Variants in NSD1 observed in about 807,000 individuals in gnomAD.
NSD1 encodes nuclear receptor binding SET domain protein 1.
NSD1 carries 26 observed loss-of-function variants against 242.7 expected under a neutral mutation model. The observed-to-expected ratio is 0.11, with a 90% CI of 0.08 to 0.15. NSD1 has a LOEUF of 0.15. Among genes scored for constraint, NSD1 ranks in the 10% least tolerant of loss-of-function variants. NSD1 has a pLI of 1.00. For synonymous variants in NSD1, 1,106 were observed against 1,178.1 expected (o/e 0.94, Z 1.25); for missense variants, 2,495 against 3,272.8 (o/e 0.76, Z 5.80).
Position 177,295,415 on chromosome 5 carries a change from C to G in NSD1, c.8047C>G (p.Gln2683Glu). 6.2e-7 allele frequency: 1 copy of G among 1,614,228 alleles called. No homozygotes were observed. Among genetic ancestry groups the G allele is most frequent in the Non-Finnish European group, 8.5e-7 (1 of 1,180,036 alleles). The change falls in exon 23 of 23, where the codon CAG becomes GAG. Residue 2683 changes from glutamine (Q) to glutamate (E), a missense_variant. This residue lies in a region of NSD1 where 475 missense variants were observed against 563.7 expected (regional missense o/e 0.84). Transcript: ENST00000439151. This position sits in a 1 kb window ranked among gnomAD's most constrained non-coding sequence, Gnocchi z 4.3. ...GCAAAATACACTTCCAGCTCTTAAC[C>G]AGGCTCCTTCCAGTCACAAGTGTGC... ...PEQNTLPALN[Q>E]APSSHKCAES...
chr5:177,185,895 A>G (rs1337088958), intron 2 of NSD1, among the ~76,000 whole-genome samples: 2 of 83,576 alleles, frequency 2.4e-5, no homozygotes, highest in African/African-American at 1.1e-4. Flanking sequence ...TAATATATTT[A>G]TATATTTTAT....
At position 177,210,907 on chromosome 5, in the gene NSD1, A is replaced by G. The variant is rs774136571; in HGVS notation, c.2508A>G (p.Leu836=). The change falls in exon 5 of 23, where the codon CTA becomes CTG. Residue 836 remains leucine (L), a synonymous_variant. Coordinates refer to ENST00000439151, the MANE Select transcript of NSD1 (RefSeq NM_022455.5). ...SISKSGKVDG[L]KLLNNMHEKT... is the part of the protein sequence containing the mutation. ...CTAAAAGTGGGAAAGTGGATGGTCT[A>G]AAACTACTGAACAATATGCATGAGA... The G allele has an allele frequency of 1.9e-6, 3 of 1,614,188 alleles. No homozygotes were observed. Among genetic ancestry groups the G allele is most frequent in the Non-Finnish European group, 1.7e-6 (2 of 1,180,042 alleles).
chr5:177,236,957 C>T (rs995781450), intron 6 of NSD1, among the ~76,000 whole-genome samples: 2 of 152,186 alleles, frequency 1.3e-5, no homozygotes, highest in Non-Finnish European at 1.5e-5. Flanking sequence ...CCGTCTCAGC[C>T]TCCTGAGTAG....
intron 17 of NSD1, among the ~76,000 whole-genome samples, chr5:177,275,655 G>A (rs1407823345): frequency 6.6e-6 from 1 of 151,706 alleles, no homozygotes; most frequent in African/African-American, 2.4e-5. Context: ...GGATGGTCTC[G>A]ATCTCCTGAC....
intron 10 of NSD1, among the ~76,000 whole-genome samples, chr5:177,247,190 G>A (rs921661829): frequency 3.9e-5 from 6 of 152,226 alleles, no homozygotes; most frequent in Non-Finnish European, 7.3e-5. Context: ...AACACTTTGG[G>A]AGGCCGAGGC....
intron 2 of NSD1, among the ~76,000 whole-genome samples, chr5:177,140,553 A>T (rs989972586): frequency 6.6e-6 from 1 of 152,112 alleles, no homozygotes; most frequent in Non-Finnish European, 1.5e-5. Context: ...GCCCAGTGGC[A>T]TGTACCTGTA....
chr5:177,265,547 G>T, intron 14 of NSD1: 12 of 909,952 alleles, frequency 1.3e-5, no homozygotes, highest in Non-Finnish European at 2.0e-5. Context: ...CCCTGGGCCC[G>T]TGCAGGGCGG....
At chr5:177,172,427 A>G (rs1248857374) in intron 2 of NSD1, among the ~76,000 whole-genome samples, 3 of 152,192 alleles carry the variant, frequency 2.0e-5, no homozygotes, top group Non-Finnish European at 2.9e-5. Context: ...GTAAAATGAA[A>G]TAAAGACTGA....
intron 2 of NSD1, 176 bp downstream of exon 2, chr5:177,136,206 G>T (rs961856792): frequency 1.7e-6 from 1 of 596,030 alleles, no homozygotes; most frequent in Non-Finnish European, 3.0e-6. Flanking sequence ...TATCTCTGTT[G>T]TATGAATTTG....
rs1201572628 is a variant in NSD1 at position 177,211,162 on chromosome 5, G to A, written c.2763G>A (p.Lys921=). The change falls in exon 5 of 23, where the codon AAG becomes AAA. Residue 921 remains lysine (K), a synonymous_variant. Transcript: ENST00000439151. The part of the protein sequence containing the change: ...LMMLKDMHDS[K]TKEQRLMTAQ... ...TGTTGAAAGATATGCATGATAGTAA[G>A]ACGAAGGAGCAGCGGTTGATGACTG... The A allele has an allele frequency of 6.2e-7, 1 of 1,614,182 alleles. No individual in the cohort carries two copies. Among genetic ancestry groups the A allele is most frequent in the African/African-American group, 1.3e-5 (1 of 75,044 alleles).
At chr5:177,287,665 A>AG (rs1759445576) in intron 20 of NSD1, among the ~76,000 whole-genome samples, 2 of 152,132 alleles carry the variant, frequency 1.3e-5, no homozygotes. Flanking sequence ...AGAAAAAAAA[A>AG]CAGTGTGAAT....
chr5:177,285,563 CAAAAAAA>C (rs772293606), intron 20 of NSD1, among the ~76,000 whole-genome samples: 6,269 of 82,072 alleles, frequency 0.076, 130 homozygotes, highest in South Asian at 0.16. Context: ...GATTCCATCT[CAAAAAAA>C]AAAAAAAAAA....
Position 177,211,020 on chromosome 5 carries a change from A to T in NSD1, c.2621A>T (p.Glu874Val). The T allele has an allele frequency of 6.2e-7, 1 of 1,614,220 alleles. No homozygotes were observed. The highest frequency in any genetic ancestry group is 1.1e-5 in the South Asian group (1 of 91,088). The change falls in exon 5 of 23, where the codon GAG (glutamate) becomes GTG (valine). Residue 874 changes from glutamate (E) to valine (V), a missense_variant. By Grantham distance (121) the Glu-to-Val change is moderately radical (BLOSUM62 -2). Coordinates refer to ENST00000439151, the MANE Select transcript of NSD1 (RefSeq NM_022455.5). The part of the protein sequence containing the change: ...LKELSYRSLG[E>V]DVSDSGTSKP... ...GAACTCTCTTACAGATCCTTAGGTG[A>T]GGATGTCAGTGACTCTGGAACATCA...
chr5:177,148,448 A>T (rs1429011421), intron 2 of NSD1, among the ~76,000 whole-genome samples: 1 of 142,012 alleles, frequency 7.0e-6, no homozygotes, highest in South Asian at 2.2e-4. Flanking sequence ...TTTTTTTGAG[A>T]CAATCTCTCT....
At chr5:177,132,867 C>A (rs938154182), upstream of NSD1, among the ~76,000 whole-genome samples, 3 of 152,154 alleles carry the variant, frequency 2.0e-5, no homozygotes, top group Non-Finnish European at 2.9e-5. This position sits in a 1 kb window ranked among gnomAD's most constrained non-coding sequence, Gnocchi z 7.5. Flanking sequence ...GGGCCGAGTC[C>A]CCGGCCCGTC....
intron 2 of NSD1, chr5:177,137,422 A>C (rs1290987997): frequency 1.3e-5 from 2 of 152,320 alleles, no homozygotes; most frequent in African/African-American, 4.8e-5. Context: ...GCTGTTCTTT[A>C]AAGTTACAGA....
At chr5:177,223,509 G>C (rs531720720) in intron 5 of NSD1, among the ~76,000 whole-genome samples, 1 of 152,030 alleles carries the variant, frequency 6.6e-6, no homozygotes, top group Admixed American at 6.5e-5. Context: ...GGAAGCGGAA[G>C]TTGCAGTGAG....
At chr5:177,290,066 G>T (rs1019538777) in intron 21 of NSD1, among the ~76,000 whole-genome samples, 2 of 151,604 alleles carry the variant, frequency 1.3e-5, no homozygotes, top group Admixed American at 1.3e-4. Flanking sequence ...CTGACCTCGT[G>T]ATCCGCCCGC....
At chr5:177,204,430 T>C in intron 4 of NSD1, 138 bp downstream of exon 4, 1 of 769,600 alleles carries the variant, frequency 1.3e-6, no homozygotes, top group Non-Finnish European at 2.1e-6. Flanking sequence ...CTTTGTTCAC[T>C]GCAACCTCCG....
Sources: gnomAD v4.1 joint callset for allele counts (sites outside exome capture counted in the v4.1 genomes callset) on GRCh38, gnomAD v4.1.1 for gene constraint, gnomAD v4.1.1 regional missense constraint, Gnocchi (gnomAD v3.1) non-coding constraint, MANE v1.5 for transcripts, NCBI Gene and HGNC (gene_info 2026-07-23, HGNC 2026-07-21) for gene names.